ADGRA3: variants seen among roughly 807,000 people sequenced by gnomAD.
ADGRA3 encodes G-protein coupled receptor 125.
ADGRA3 carries 56 observed loss-of-function variants against 119.8 expected under a neutral mutation model. The observed-to-expected ratio is 0.47, with a 90% CI of 0.38 to 0.58. The LOEUF (loss-of-function observed/expected upper bound fraction) is 0.58. Ranked by LOEUF, ADGRA3 falls within the 20% of genes least tolerant of loss-of-function variation. ADGRA3 has a pLI of 0.00. For synonymous variants in ADGRA3, 607 were observed against 623.8 expected (o/e 0.97, Z 0.40); for missense variants, 1,516 against 1,649.0 (o/e 0.92, Z 1.40).
chr4:22,491,309 C>T (rs1718615389), intron 1 of ADGRA3, among the ~76,000 whole-genome samples: 1 of 152,168 alleles, frequency 6.6e-6, no homozygotes, highest in Non-Finnish European at 1.5e-5. Context: ...GAGGCAAGAT[C>T]CATAATATGA....
At chr4:22,476,214 G>C (rs1376080649) in intron 1 of ADGRA3, among the ~76,000 whole-genome samples, 1 of 152,054 alleles carries the variant, frequency 6.6e-6, no homozygotes, top group African/African-American at 2.4e-5. Flanking sequence ...TGGACTCAAA[G>C]CTCACTTCCG....
intron 1 of ADGRA3, among the ~76,000 whole-genome samples, chr4:22,490,089 A>T (rs1718570730): frequency 6.6e-6 from 1 of 152,212 alleles, no homozygotes; most frequent in South Asian, 2.1e-4. Flanking sequence ...TCTATTTTCA[A>T]TTCTTTATTT....
At chr4:22,511,120 T>G (rs2109188771) in intron 1 of ADGRA3, among the ~76,000 whole-genome samples, 1 of 152,344 alleles carries the variant, frequency 6.6e-6, no homozygotes, top group East Asian at 1.9e-4. Flanking sequence ...TTTTGTTTTA[T>G]ATTTTTATTT....
chr4:22,510,660 A>T (rs1029349437), intron 1 of ADGRA3, among the ~76,000 whole-genome samples: 1 of 152,128 alleles, frequency 6.6e-6, no homozygotes, highest in African/African-American at 2.4e-5. Context: ...CAAGTGGGCC[A>T]GCCACCACCT....
chr4:22,443,495 T>A (rs58504707), intron 6 of ADGRA3, among the ~76,000 whole-genome samples: 4,841 of 152,210 alleles, frequency 0.032, 267 homozygotes, highest in African/African-American at 0.11. Context: ...CTTTTAGTAG[T>A]ACTGTATCCT....
At chr4:22,423,961 G>A (rs544265600) in intron 11 of ADGRA3, among the ~76,000 whole-genome samples, 1 of 152,216 alleles carries the variant, frequency 6.6e-6, no homozygotes, top group East Asian at 1.9e-4. Flanking sequence ...AATGTTAGAA[G>A]AAATTCTGTA....
At chr4:22,483,549 G>A (rs547977193) in intron 1 of ADGRA3, among the ~76,000 whole-genome samples, 2 of 152,110 alleles carry the variant, frequency 1.3e-5, no homozygotes, top group East Asian at 1.9e-4. Context: ...CAATAAAAGT[G>A]TCCTAAGATA....
chr4:22,481,462 T>A (rs890896642), intron 1 of ADGRA3, among the ~76,000 whole-genome samples: 1 of 152,304 alleles, frequency 6.6e-6, no homozygotes, highest in Non-Finnish European at 1.5e-5. Flanking sequence ...AATTTTTAAA[T>A]GCATGAAAAA....
In ADGRA3 at chr4:22,444,885, A is replaced by T; in HGVS notation, c.706+88T>A. The T allele has an allele frequency of 2.2e-6, 3 of 1,335,472 alleles. No homozygotes were observed. In the Admixed American group the frequency reaches 5.2e-5, roughly 23 times the overall value. 82.7% of individuals were successfully genotyped at this position (1,335,472 alleles called of 1,614,324 possible). A position where few individuals can be genotyped will look rare whatever the true frequency, so the allele number is the denominator to read the frequency against. On this transcript the variant is annotated intron_variant, in intron 6 of 18. Coordinates refer to ENST00000334304, the MANE Select transcript of ADGRA3 (RefSeq NM_145290.4). ...GGCTGCATACTAGTTCTGTCCAAGT[A>T]TAAAGAGAATCTTACAATTTGTCAA... is the stretch of plus-strand genomic sequence containing the variant.
At chr4:22,503,317 C>T (rs538047761) in intron 1 of ADGRA3, among the ~76,000 whole-genome samples, 2 of 152,294 alleles carry the variant, frequency 1.3e-5, no homozygotes, top group South Asian at 2.1e-4. Context: ...GAGATGAATA[C>T]ACCAGTAGTC....
intron 1 of ADGRA3, among the ~76,000 whole-genome samples, chr4:22,506,574 C>G (rs1015530296): frequency 1.3e-4 from 20 of 151,806 alleles, no homozygotes; most frequent in Non-Finnish European, 8.8e-5. Flanking sequence ...AACAAACAAA[C>G]CAAGGCAAAA....
intron 1 of ADGRA3, among the ~76,000 whole-genome samples, chr4:22,511,835 C>T (rs1259830254): frequency 1.3e-5 from 2 of 151,972 alleles, no homozygotes; most frequent in Admixed American, 1.3e-4. Context: ...CACTTCCAAC[C>T]TATCATTTCC....
At chr4:22,438,702 G>C (rs1483908646) in intron 7 of ADGRA3, among the ~76,000 whole-genome samples, 1 of 152,166 alleles carries the variant, frequency 6.6e-6, no homozygotes, top group Admixed American at 6.5e-5. Flanking sequence ...TGCAGAAATA[G>C]GGAGAGCAGA....
At chr4:22,427,049 G>A (rs1034915598) in intron 10 of ADGRA3, among the ~76,000 whole-genome samples, 1 of 152,168 alleles carries the variant, frequency 6.6e-6, no homozygotes, top group East Asian at 1.9e-4. Flanking sequence ...ACAGTAGTTG[G>A]AATAACTTAG....
intron 15 of ADGRA3, 26 bp downstream of exon 15, chr4:22,402,649 C>A (rs746885781): frequency 6.2e-7 from 1 of 1,601,888 alleles, no homozygotes; most frequent in South Asian, 1.1e-5. Flanking sequence ...GTCCGCAGAT[C>A]TATTTTGTCG....
chr4:22,486,468 A>G (rs1048589797), intron 1 of ADGRA3, among the ~76,000 whole-genome samples: 1 of 152,194 alleles, frequency 6.6e-6, no homozygotes, highest in African/African-American at 2.4e-5. Context: ...GTATCTGCGT[A>G]AAACAAGAAA....
At chr4:22,400,346 A>C (rs1331916420) in intron 16 of ADGRA3, among the ~76,000 whole-genome samples, 1 of 152,200 alleles carries the variant, frequency 6.6e-6, no homozygotes, top group East Asian at 1.9e-4. Flanking sequence ...TCTACATACA[A>C]TGGAATATTA....
rs187765767 is a variant in ADGRA3, at chr4:22,472,554, C to T, written c.329+1218G>A. On this transcript the variant is annotated intron_variant, in intron 2 of 18. Transcript: ENST00000334304. ...GTGTTTCTGTATATATATATATACA[C>T]ACAAACACACACACACACGTATATA... Among the ~76,000 whole-genome samples, 198 of 152,178 alleles carry T rather than the reference C, an allele frequency of 1.3e-3. 4 individuals are homozygous for T. In the East Asian group the frequency reaches 0.037, roughly 29 times the overall value.
Position 22,435,442 on chromosome 4 carries a change from C to T in ADGRA3, c.1312G>A (p.Val438Met), listed in dbSNP as rs780634313. 8.7e-6 allele frequency: 14 copies of T among 1,603,546 alleles called. No homozygotes were observed. Among genetic ancestry groups the T allele is most frequent in the East Asian group, 6.7e-5 (3 of 44,728 alleles). The change falls in exon 10 of 19, where the codon GTG becomes ATG. Residue 438 changes from valine to methionine, a missense_variant. Physicochemically the swap from Val to Met is conservative, Grantham distance 21. Coordinates refer to ENST00000334304, the MANE Select transcript of ADGRA3 (RefSeq NM_145290.4). ...NQMPLNLTNA[V>M]ATARQLLAYT... ...GCCAGTAACTGTCGAGCTGTTGCCA[C>T]GGCATTGGTAAGATTGAGGGGCATC...
Sources: allele counts gnomAD v4.1 joint callset (sites outside exome capture counted in the v4.1 genomes callset), GRCh38; gene constraint gnomAD v4.1.1; transcripts MANE v1.5; gene names NCBI Gene and HGNC (gene_info 2026-07-23, HGNC 2026-07-21).